The following HIBADH variants were observed in gnomAD, a reference collection of about 807,000 sequenced individuals.
The protein encoded by HIBADH is 3-hydroxyisobutyrate dehydrogenase, mitochondrial.
Under a neutral mutation model 36.1 loss-of-function variants are expected in HIBADH, and 25 were observed. The observed-to-expected ratio is 0.69, with a 90% CI of 0.50 to 0.97. The LOEUF (loss-of-function observed/expected upper bound fraction) is 0.97, where lower values mean the gene tolerates loss of function less well. Ranked by LOEUF, HIBADH falls within the 50% of genes least tolerant of loss-of-function variation. The pLI is 0.00. For missense variants in HIBADH, 421 were observed against 418.0 expected (o/e 1.01, Z -0.06); for synonymous variants, 160 against 149.5 (o/e 1.07, Z -0.51).
At position 27,589,748 on chromosome 7, in the gene HIBADH, T is replaced by C. The variant is rs1321254770; in HGVS notation, c.484+39623A>G. Among the ~76,000 whole-genome samples the C allele has an allele frequency of 2.0e-5, 3 of 152,164 alleles. No homozygotes were observed. The East Asian group carries it at 5.8e-4, about 29-fold the overall frequency. On this transcript the variant is annotated intron_variant, in intron 4 of 7. Coordinates refer to ENST00000265395, the MANE Select transcript of HIBADH (RefSeq NM_152740.4). ...GGGAAATACTTCTCTGTATATAAAA[T>C]GAAGAGAGTTATGTTCTCTGAGCAA...
intron 4 of HIBADH, among the ~76,000 whole-genome samples, chr7:27,569,076 T>G (rs1487937800): frequency 1.3e-5 from 2 of 152,240 alleles, no homozygotes; most frequent in Non-Finnish European, 2.9e-5. Context: ...TTCATGTAAT[T>G]TCTGTCTCCA....
At chr7:27,547,553 T>G (rs543342022) in intron 4 of HIBADH, among the ~76,000 whole-genome samples, 10 of 152,256 alleles carry the variant, frequency 6.6e-5, no homozygotes, top group South Asian at 2.1e-4. Flanking sequence ...AGAAGGAAAG[T>G]CTCAAGGAAA....
intron 1 of HIBADH, among the ~76,000 whole-genome samples, chr7:27,659,589 G>A (rs1444852232): frequency 1.3e-5 from 2 of 152,020 alleles, no homozygotes; most frequent in African/African-American, 4.8e-5. Context: ...AGGTGTGGTG[G>A]TGTGCACCTG....
intron 4 of HIBADH, among the ~76,000 whole-genome samples, chr7:27,582,353 G>A (rs533713522): frequency 7.9e-5 from 12 of 152,134 alleles, no homozygotes; most frequent in South Asian, 6.2e-4. Flanking sequence ...TGATTACAGG[G>A]GGCTGCCCTG....
chr7:27,564,500 CTCTCT>C (rs1784514159), intron 4 of HIBADH, among the ~76,000 whole-genome samples: 2 of 152,206 alleles, frequency 1.3e-5, no homozygotes, highest in African/African-American at 4.8e-5. Context: ...TTATTTTAAA[CTCTCT>C]TCTGTTTCAC....
intron 4 of HIBADH, among the ~76,000 whole-genome samples, chr7:27,558,690 G>T (rs1456895339): frequency 6.6e-6 from 1 of 152,130 alleles, no homozygotes; most frequent in South Asian, 2.1e-4. Context: ...GCAAGACCCA[G>T]TCTCAAAAAC....
At chr7:27,594,018 G>A (rs1320832312) in intron 4 of HIBADH, among the ~76,000 whole-genome samples, 4 of 145,914 alleles carry the variant, frequency 2.7e-5, no homozygotes, top group Non-Finnish European at 3.0e-5. Context: ...GCGAGACTCC[G>A]TCTCAAAAAA....
intron 1 of HIBADH, among the ~76,000 whole-genome samples, chr7:27,661,306 T>C (rs1786412518): frequency 6.6e-6 from 1 of 152,144 alleles, no homozygotes; most frequent in Non-Finnish European, 1.5e-5. Context: ...AAGAGAAAGT[T>C]CTTACAATTC....
At position 27,534,728 on chromosome 7, in the gene HIBADH, C is replaced by T. The variant is rs968548523; in HGVS notation, c.696-3380G>A. 6.6e-5 allele frequency among the ~76,000 whole-genome samples: 10 copies of T among 152,082 alleles called. No homozygotes were observed. In the South Asian group the frequency reaches 2.1e-3, roughly 32 times the overall value. ...AAACAGACAAATAAATATGTAATGC[C>T]AGCTAGTGAGACATGTTAGGAAGAA... On this transcript the variant is annotated intron_variant, in intron 6 of 7. Coordinates refer to ENST00000265395, the MANE Select transcript of HIBADH (RefSeq NM_152740.4).
chr7:27,647,451 T>C (rs1786093144), intron 2 of HIBADH, among the ~76,000 whole-genome samples: 1 of 152,172 alleles, frequency 6.6e-6, no homozygotes, highest in African/African-American at 2.4e-5. Flanking sequence ...TATATAACAT[T>C]AGGGATATTA....
At chr7:27,572,779 G>A (rs1227478226) in intron 4 of HIBADH, among the ~76,000 whole-genome samples, 1 of 152,036 alleles carries the variant, frequency 6.6e-6, no homozygotes, top group Non-Finnish European at 1.5e-5. Context: ...GCTCTTCAGG[G>A]TATACAAAAA....
intron 4 of HIBADH, among the ~76,000 whole-genome samples, chr7:27,562,906 CTTTTT>C (rs929130617): frequency 6.6e-6 from 1 of 152,054 alleles, no homozygotes; most frequent in Non-Finnish European, 1.5e-5. Flanking sequence ...ATCATCATTC[CTTTTT>C]TTATTTTGAA....
chr7:27,656,984 T>C (rs1199333169), intron 1 of HIBADH, among the ~76,000 whole-genome samples: 1 of 152,210 alleles, frequency 6.6e-6, no homozygotes, highest in African/African-American at 2.4e-5. Context: ...AGGTCAAGTT[T>C]CAAACTGTCT....
At chr7:27,655,366 T>C (rs541468471) in intron 1 of HIBADH, among the ~76,000 whole-genome samples, 1 of 152,304 alleles carries the variant, frequency 6.6e-6, no homozygotes, top group Admixed American at 6.5e-5. Context: ...GCTGAAGCAT[T>C]AGGGTTAAAG....
chr7:27,543,143 T>A, intron 4 of HIBADH, 43 bp from the exon 5 acceptor site: 1 of 1,603,580 alleles, frequency 6.2e-7, no homozygotes, highest in Middle Eastern at 1.7e-4. Flanking sequence ...AAAGAATATA[T>A]TTCTTAAAAT....
intron 2 of HIBADH, among the ~76,000 whole-genome samples, chr7:27,642,808 C>G (rs547271252): frequency 6.6e-6 from 1 of 151,668 alleles, no homozygotes; most frequent in Non-Finnish European, 1.5e-5. Context: ...CCCGCCATTA[C>G]GCCCGGCTAA....
intron 4 of HIBADH, among the ~76,000 whole-genome samples, chr7:27,602,157 T>A (rs999402598): frequency 6.6e-6 from 1 of 150,912 alleles, no homozygotes; most frequent in Non-Finnish European, 1.5e-5. Flanking sequence ...TTCCTGAGAC[T>A]CAACTTCCTC....
chr7:27,618,787 C>T (rs1469377987), intron 4 of HIBADH, among the ~76,000 whole-genome samples: 2 of 152,096 alleles, frequency 1.3e-5, no homozygotes, highest in African/African-American at 4.8e-5. Context: ...AGCTTTTTCT[C>T]ATAGTGGAAG....
At chr7:27,544,515 T>C (rs1483210179) in intron 4 of HIBADH, among the ~76,000 whole-genome samples, 1 of 152,250 alleles carries the variant, frequency 6.6e-6, no homozygotes, top group Non-Finnish European at 1.5e-5. Context: ...TCAAACATTC[T>C]TATAACATTA....
Sources: gnomAD v4.1 joint callset for allele counts (sites outside exome capture counted in the v4.1 genomes callset) on GRCh38, gnomAD v4.1.1 for gene constraint, MANE v1.5 for transcripts, NCBI Gene and HGNC (gene_info 2026-07-23, HGNC 2026-07-21) for gene names.